AOAH: variants seen among roughly 807,000 people sequenced by gnomAD.
AOAH encodes acyloxyacyl hydrolase (neutrophil).
AOAH carries 64 observed loss-of-function variants against 92.2 expected under a neutral mutation model. The observed-to-expected ratio is 0.69, with a 90% confidence interval of 0.57 to 0.86. AOAH has a LOEUF of 0.86. AOAH is among the 40% of genes least tolerant of loss of function. The pLI is 0.00. For synonymous variants in AOAH, 263 were observed against 254.5 expected (o/e 1.03, Z -0.32); for missense variants, 656 against 694.6 (o/e 0.94, Z 0.62).
intron 13 of AOAH, among the ~76,000 whole-genome samples, chr7:36,557,363 C>T (rs1239735142): frequency 2.6e-5 from 4 of 152,248 alleles, no homozygotes; most frequent in African/African-American, 9.6e-5. Flanking sequence ...AGCTGTTAGT[C>T]TGATGTGCTT....
Position 36,693,551 on chromosome 7 carries a change from T to C in AOAH, c.128-6757A>G, listed in dbSNP as rs79415553. ...TGAAATTATTTTTTTGATCACACTA[T>C]TGATCAATAAAGTATTAGTATTGAT... On this transcript the variant is annotated intron_variant, in intron 1 of 20. Coordinates refer to ENST00000617537, the MANE Select transcript of AOAH (RefSeq NM_001637.4). 3.7e-3 allele frequency among the ~76,000 whole-genome samples: 563 copies of C among 152,314 alleles called. 4 individuals carry two copies. The highest frequency in any genetic ancestry group is 0.013 in the African/African-American group (535 of 41,574).
At chr7:36,623,142 A>G in intron 7 of AOAH, 48 bp downstream of exon 7, 4 of 1,462,780 alleles carry the variant, frequency 2.7e-6, no homozygotes, top group Non-Finnish European at 3.8e-6. Flanking sequence ...AATGTGTAGG[A>G]AGCAATGTGA....
chr7:36,596,163 GC>G (rs768130581), intron 11 of AOAH, among the ~76,000 whole-genome samples: 2 of 141,386 alleles, frequency 1.4e-5, no homozygotes, highest in African/African-American at 5.6e-5. Flanking sequence ...AGAAATGAAA[GC>G]CCCCCCACCC....
intron 13 of AOAH, among the ~76,000 whole-genome samples, chr7:36,555,267 G>A (rs1473278070): frequency 6.6e-6 from 1 of 152,098 alleles, no homozygotes; most frequent in Non-Finnish European, 1.5e-5. Flanking sequence ...CTTTGGTTCT[G>A]TTTATATGCT....
chr7:36,622,057 G>T (rs1038871481), intron 7 of AOAH, among the ~76,000 whole-genome samples: 2 of 152,120 alleles, frequency 1.3e-5, no homozygotes, highest in East Asian at 3.8e-4. Flanking sequence ...CATTAAGTGC[G>T]TGCTTGTATG....
At chr7:36,649,969 C>T (rs1350338551) in intron 4 of AOAH, among the ~76,000 whole-genome samples, 1 of 152,224 alleles carries the variant, frequency 6.6e-6, no homozygotes, top group East Asian at 1.9e-4. Flanking sequence ...CGGTTCTCTT[C>T]TGTGACCCAT....
At chr7:36,545,562 A>G (rs965518929) in intron 15 of AOAH, among the ~76,000 whole-genome samples, 2 of 152,208 alleles carry the variant, frequency 1.3e-5, no homozygotes, top group Non-Finnish European at 2.9e-5. Context: ...GGCATTGAAG[A>G]AAAACAATGG....
chr7:36,709,235 C>T (rs1310848595), intron 1 of AOAH, among the ~76,000 whole-genome samples: 8 of 152,066 alleles, frequency 5.3e-5, no homozygotes, highest in Non-Finnish European at 1.5e-5. Context: ...CACTTTTGGC[C>T]AGGAGAGCCA....
At chr7:36,667,395 T>C (rs1366552000) in intron 3 of AOAH, among the ~76,000 whole-genome samples, 1 of 152,228 alleles carries the variant, frequency 6.6e-6, no homozygotes, top group African/African-American at 2.4e-5. Flanking sequence ...ACAGTGCTTA[T>C]GTTCAAGTAA....
chr7:36,606,257 T>A (rs568939081), intron 11 of AOAH, among the ~76,000 whole-genome samples: 5 of 152,200 alleles, frequency 3.3e-5, no homozygotes, highest in Non-Finnish European at 7.3e-5. Flanking sequence ...CGATACTGCC[T>A]GTGCTGTTTG....
At chr7:36,709,900 G>T (rs142428538) in intron 1 of AOAH, among the ~76,000 whole-genome samples, 143 of 152,218 alleles carry the variant, frequency 9.4e-4, no homozygotes, top group Admixed American at 1.6e-3. Flanking sequence ...CAAAAAACTT[G>T]TTCAGTCTGC....
chr7:36,608,774 T>G (rs1292040243), intron 11 of AOAH, among the ~76,000 whole-genome samples: 2 of 152,152 alleles, frequency 1.3e-5, no homozygotes, highest in East Asian at 3.9e-4. Context: ...TCCAGACTTG[T>G]CTGAGCCAGT....
At chr7:36,678,886 A>G (rs1796471108) in intron 2 of AOAH, among the ~76,000 whole-genome samples, 1 of 152,208 alleles carries the variant, frequency 6.6e-6, no homozygotes, top group Non-Finnish European at 1.5e-5. Context: ...TGTTACTGAT[A>G]CACCTGAAGA....
At chr7:36,606,941 C>T (rs1427391845) in intron 11 of AOAH, among the ~76,000 whole-genome samples, 2 of 152,104 alleles carry the variant, frequency 1.3e-5, no homozygotes, top group Non-Finnish European at 2.9e-5. Flanking sequence ...GCAGACAGGT[C>T]GGAATGAGAC....
At chr7:36,522,669 A>G (rs181387934) in intron 19 of AOAH, among the ~76,000 whole-genome samples, 3 of 152,340 alleles carry the variant, frequency 2.0e-5, no homozygotes, top group African/African-American at 4.8e-5. Context: ...CTGTCCTTCA[A>G]CAGGGATGAG....
At chr7:36,641,109 C>T (rs141721035) in intron 4 of AOAH, among the ~76,000 whole-genome samples, 8 of 152,320 alleles carry the variant, frequency 5.3e-5, no homozygotes, top group African/African-American at 7.2e-5. Flanking sequence ...TACTTTACAG[C>T]GCAGTCCACC....
At chr7:36,563,603 A>T (rs79598153) in intron 13 of AOAH, among the ~76,000 whole-genome samples, 2,372 of 152,318 alleles carry the variant, frequency 0.016, 25 homozygotes, top group Non-Finnish European at 0.025. Flanking sequence ...TTGTACTTGA[A>T]ACCAGAAACT....
At chr7:36,643,201 G>A (rs1794015445) in intron 4 of AOAH, among the ~76,000 whole-genome samples, 2 of 152,148 alleles carry the variant, frequency 1.3e-5, no homozygotes, top group African/African-American at 4.8e-5. Flanking sequence ...TTACAGATGA[G>A]AAAACTGAGG....
chr7:36,681,353 T>C (rs1370198022), intron 2 of AOAH, among the ~76,000 whole-genome samples: 1 of 152,166 alleles, frequency 6.6e-6, no homozygotes, highest in Admixed American at 6.6e-5. Flanking sequence ...TTAAGAGACT[T>C]GACCTAGGCC....
Sources: gnomAD v4.1 joint callset for allele counts (sites outside exome capture counted in the v4.1 genomes callset) on GRCh38, gnomAD v4.1.1 for gene constraint, MANE v1.5 for transcripts, NCBI Gene and HGNC (gene_info 2026-07-23, HGNC 2026-07-21) for gene names.